The following AFG1L variants were observed in gnomAD, a reference collection of about 807,000 sequenced individuals.
The protein encoded by AFG1L is AFG1-like ATPase.
AFG1L carries 53 observed loss-of-function variants against 62.2 expected under a neutral mutation model. That is an observed-to-expected ratio of 0.85 (90% confidence interval 0.68 to 1.07). The LOEUF is 1.07. Ranked by LOEUF, AFG1L falls within the 50% of genes least tolerant of loss-of-function variation. The pLI, the probability that AFG1L is intolerant of heterozygous loss-of-function variation, is 0.00. For missense variants in AFG1L, 555 were observed against 590.5 expected (o/e 0.94, Z 0.62); for synonymous variants, 228 against 210.3 (o/e 1.08, Z -0.73).
At chr6:108,382,730 G>T (rs562649872) in intron 6 of AFG1L, among the ~76,000 whole-genome samples, 11 of 152,250 alleles carry the variant, frequency 7.2e-5, no homozygotes, top group Admixed American at 7.2e-4. Context: ...AACACATCCA[G>T]GATGACAATG....
intron 8 of AFG1L, among the ~76,000 whole-genome samples, chr6:108,451,041 C>T (rs139136640): frequency 2.6e-5 from 4 of 152,048 alleles, no homozygotes; most frequent in African/African-American, 7.2e-5. Context: ...TGTTTATTAC[C>T]ATCTGGCCAG....
intron 1 of AFG1L, among the ~76,000 whole-genome samples, chr6:108,321,751 G>C (rs991423865): frequency 6.6e-6 from 1 of 152,218 alleles, no homozygotes; most frequent in African/African-American, 2.4e-5. Flanking sequence ...GTGAGGCCTA[G>C]TGTTCCAGGA....
At chr6:108,459,819 A>T (rs1220538817) in intron 8 of AFG1L, among the ~76,000 whole-genome samples, 2 of 152,220 alleles carry the variant, frequency 1.3e-5, no homozygotes, top group African/African-American at 4.8e-5. Context: ...AATTTTATCC[A>T]TTTACAGGAA....
intron 7 of AFG1L, among the ~76,000 whole-genome samples, chr6:108,443,781 A>G (rs1443404358): frequency 6.6e-6 from 1 of 152,020 alleles, no homozygotes; most frequent in Non-Finnish European, 1.5e-5. Flanking sequence ...AGGCTGAGGC[A>G]TGAAAATTGT....
At chr6:108,454,499 G>C (rs1309085545) in intron 8 of AFG1L, among the ~76,000 whole-genome samples, 1 of 152,150 alleles carries the variant, frequency 6.6e-6, no homozygotes, top group Non-Finnish European at 1.5e-5. Context: ...CTTGATTGCT[G>C]TGGAGACTCT....
intron 1 of AFG1L, among the ~76,000 whole-genome samples, chr6:108,300,994 A>G (rs1776975103): frequency 6.6e-6 from 1 of 152,138 alleles, no homozygotes; most frequent in African/African-American, 2.4e-5. Context: ...TAATTATCCA[A>G]TTAGATGAAT....
intron 11 of AFG1L, among the ~76,000 whole-genome samples, chr6:108,517,207 C>A (rs887583095): frequency 2.0e-5 from 3 of 152,144 alleles, no homozygotes; most frequent in Non-Finnish European, 2.9e-5. Context: ...CAATCCTAAG[C>A]CAAAAGAACA....
intron 1 of AFG1L, among the ~76,000 whole-genome samples, chr6:108,307,538 G>C (rs1050917904): frequency 6.6e-6 from 1 of 151,702 alleles, no homozygotes; most frequent in Non-Finnish European, 1.5e-5. Context: ...AGTCTCCTGA[G>C]TAACTGAGAC....
chr6:108,300,696 T>C (rs574833011), intron 1 of AFG1L, among the ~76,000 whole-genome samples: 36 of 151,268 alleles, frequency 2.4e-4, no homozygotes, highest in African/African-American at 6.6e-4. Flanking sequence ...TTTTTGAGAC[T>C]GAATATCACT....
At chr6:108,429,546 A>C (rs1006122339) in intron 7 of AFG1L, among the ~76,000 whole-genome samples, 1 of 152,150 alleles carries the variant, frequency 6.6e-6, no homozygotes, top group Non-Finnish European at 1.5e-5. Flanking sequence ...GACACAGCCA[A>C]ACCATATCAG....
rs570337898 is a variant in AFG1L at position 108,456,273 on chromosome 6, T to C, written c.890+8977T>C. Among the ~76,000 whole-genome samples, 4 of 152,278 alleles carry C rather than the reference T, an allele frequency of 2.6e-5. No homozygotes were observed. The South Asian group carries it at 6.2e-4, about 24-fold the overall frequency. ...TTTTTTAAAATTAGTGTTTGCATGA[T>C]ATGTCTTTTCTCATCTTTTTTACTT... is the stretch of plus-strand genomic sequence containing the variant. On this transcript the variant is annotated intron_variant, in intron 8 of 12. Coordinates refer to ENST00000368977, the MANE Select transcript of AFG1L (RefSeq NM_145315.5).
intron 8 of AFG1L, among the ~76,000 whole-genome samples, chr6:108,448,477 C>G (rs563083223): frequency 2.8e-4 from 42 of 150,594 alleles, no homozygotes; most frequent in Admixed American, 5.3e-4. Flanking sequence ...GGAGGTAATT[C>G]TTGTTCTCTG....
At chr6:108,327,715 C>T (rs1175482506) in intron 2 of AFG1L, among the ~76,000 whole-genome samples, 2 of 152,218 alleles carry the variant, frequency 1.3e-5, no homozygotes, top group Non-Finnish European at 2.9e-5. Flanking sequence ...GAGACCATAG[C>T]ACCCACTTAT....
intron 7 of AFG1L, among the ~76,000 whole-genome samples, chr6:108,436,239 G>C (rs910312903): frequency 6.6e-6 from 1 of 151,958 alleles, no homozygotes; most frequent in Non-Finnish European, 1.5e-5. Context: ...CTACCTCCCG[G>C]GTTCAAGTGA....
chr6:108,299,941 A>G (rs1167094971), intron 1 of AFG1L, among the ~76,000 whole-genome samples: 1 of 152,220 alleles, frequency 6.6e-6, no homozygotes, highest in African/African-American at 2.4e-5. Flanking sequence ...AAAAATTAGC[A>G]TATCTGAAAT....
intron 2 of AFG1L, 112 bp from the exon 3 acceptor site, chr6:108,346,876 G>A: frequency 2.7e-6 from 2 of 754,700 alleles, no homozygotes; most frequent in South Asian, 3.1e-5. Flanking sequence ...CTTACTTATT[G>A]TATATAATAG....
At chr6:108,444,003 T>G (rs1025495764) in intron 7 of AFG1L, among the ~76,000 whole-genome samples, 30 of 152,228 alleles carry the variant, frequency 2.0e-4, no homozygotes, top group Non-Finnish European at 3.8e-4. Context: ...AGTTGTTTCT[T>G]GACTTGTCCT....
chr6:108,318,280 A>T, intron 1 of AFG1L: 1 of 307,786 alleles, frequency 3.2e-6, no homozygotes, highest in South Asian at 3.0e-5. Context: ...TAAAACACAA[A>T]GAAGACTGTG....
chr6:108,385,602 C>A (rs1780727142), intron 6 of AFG1L, among the ~76,000 whole-genome samples: 2 of 152,086 alleles, frequency 1.3e-5, no homozygotes, highest in Admixed American at 6.5e-5. Flanking sequence ...GCTGTGAGAC[C>A]ACTGATTTCC....
Sources: gnomAD v4.1 joint callset for allele counts (sites outside exome capture counted in the v4.1 genomes callset) on GRCh38, gnomAD v4.1.1 for gene constraint, MANE v1.5 for transcripts, NCBI Gene and HGNC (gene_info 2026-07-23, HGNC 2026-07-21) for gene names.